The following FGD1 variants were observed in gnomAD, a reference collection of about 807,000 sequenced individuals.
The protein encoded by FGD1 is FYVE, RhoGEF and PH domain containing 1.
Under a neutral mutation model 65.0 loss-of-function variants are expected in FGD1, and 12 were observed. The ratio of observed to expected loss-of-function variants is 0.18; its 90% confidence interval spans 0.12 to 0.30. FGD1 has a LOEUF of 0.30. Ranked by LOEUF, FGD1 falls within the 10% of genes least tolerant of loss-of-function variation. FGD1 has a pLI of 1.00. For missense variants in FGD1, 542 were observed against 837.6 expected (o/e 0.65, Z 4.36); for synonymous variants, 333 against 343.9 (o/e 0.97, Z 0.35).
chrX:54,468,895 A>T lies in FGD1; in HGVS notation c.1102-19T>A. On this transcript the variant is annotated intron_variant, in intron 4 of 17. Coordinates refer to ENST00000375135, the MANE Select transcript of FGD1 (RefSeq NM_004463.3). ...CAGTCAACTGGAAAGGAGAAACAGT[A>T]ACCCCTGATCCATCATCCTCTATCG... 9.0e-7 allele frequency: 1 copy of T among 1,115,507 alleles called. No individual in the cohort carries two copies. Among genetic ancestry groups the T allele is most frequent in the Non-Finnish European group, 1.2e-6 (1 of 810,094 alleles). 91.9% of individuals were successfully genotyped at this position (1,115,507 alleles called of 1,213,427 possible). A position where few individuals can be genotyped will look rare whatever the true frequency, so the allele number is the denominator to read the frequency against.
Position 54,471,416 on chromosome X carries a change from G to C in FGD1, c.379C>G (p.Pro127Ala), listed in dbSNP as rs773870343. ...GAGCGAAGCCGCTGGGGACCTTCTG[G>C]ATGAGGCTCTAGGCTTTGGCCAGGG... ...LDPGQSLEPH[P>A]EGPQRLRSDP... is the part of the protein sequence containing the mutation. The change falls in exon 2 of 18, where the codon CCA becomes GCA. Residue 127 changes from proline (P) to alanine (A), a missense_variant. By Grantham distance (27) the Pro-to-Ala change is conservative. Around this residue, in one of 6 missense-constraint regions of FGD1, gnomAD observed 297 missense variants for 326.8 expected, o/e 0.91. Transcript: ENST00000375135. The C allele has an allele frequency of 1.7e-6, 2 of 1,211,398 alleles. No individual in the cohort carries two copies. Among genetic ancestry groups the C allele is most frequent in the Non-Finnish European group, 1.1e-6 (1 of 895,307 alleles).
chrX:54,461,853 T>A (rs940504545), intron 8 of FGD1, among the ~76,000 whole-genome samples: 1 of 109,168 alleles, frequency 9.2e-6, no homozygotes, highest in South Asian at 4.0e-4. Flanking sequence ...CTGAGGGATA[T>A]GAAATAGGAG....
At chrX:54,460,524 C>T (rs906246661) in intron 8 of FGD1, among the ~76,000 whole-genome samples, 20 of 111,302 alleles carry the variant, frequency 1.8e-4, no homozygotes, top group African/African-American at 6.5e-4. Context: ...GGGTGGATCA[C>T]GAGGTCAAGA....
chrX:54,465,667 A>G (rs919513065), intron 7 of FGD1, 29 bp downstream of exon 7: 4 of 1,210,991 alleles, frequency 3.3e-6, no homozygotes, highest in Non-Finnish European at 4.5e-6. Context: ...CTCCTCCCCA[A>G]GTCTGCTCCT....
At chrX:54,482,004 C>G (rs1334888845) in intron 1 of FGD1, among the ~76,000 whole-genome samples, 1 of 110,319 alleles carries the variant, frequency 9.1e-6, no homozygotes, top group Non-Finnish European at 1.9e-5. Flanking sequence ...GACACATCCA[C>G]AAGATCTAAG....
chrX:54,473,496 G>A (rs1395882842), intron 1 of FGD1, among the ~76,000 whole-genome samples: 1 of 112,067 alleles, frequency 8.9e-6, no homozygotes, highest in African/African-American at 3.2e-5. Flanking sequence ...GCATACAGGT[G>A]GCCCTCCACA....
In FGD1 at chrX:54,452,013, TC is replaced by T. The variant is rs773108237; in HGVS notation, c.2016-1713del. 4.1e-3 allele frequency among the ~76,000 whole-genome samples: 454 copies of T among 111,029 alleles called. 2 individuals carry two copies. The highest frequency in any genetic ancestry group is 0.013 in the African/African-American group (408 of 30,574). On this transcript the variant is annotated intron_variant, in intron 12 of 17. Coordinates refer to ENST00000375135, the MANE Select transcript of FGD1 (RefSeq NM_004463.3). ...ACGGAGTGGTGGCTCATACCTGTCA[TC>T]TCAGCACTTTGGGAGGCTGAAGCGG... is the stretch of plus-strand genomic sequence containing the variant.
chrX:54,488,475 C>T (rs1381035257), intron 1 of FGD1, among the ~76,000 whole-genome samples: 2 of 106,912 alleles, frequency 1.9e-5, no homozygotes, highest in South Asian at 4.2e-4. Flanking sequence ...GTCCCAGCTA[C>T]TTGGGAGACT....
At chrX:54,453,105 T>C (rs1287643859) in intron 12 of FGD1, among the ~76,000 whole-genome samples, 1 of 112,045 alleles carries the variant, frequency 8.9e-6, no homozygotes, top group African/African-American at 3.2e-5. Flanking sequence ...GGCTGCCCCT[T>C]CTGGGCCCAG....
At chrX:54,465,985 T>C (rs1922750297) in intron 6 of FGD1, 133 bp from the exon 7 acceptor site, 1 of 760,892 alleles carries the variant, frequency 1.3e-6, no homozygotes, top group South Asian at 2.3e-5. Context: ...AGTCTGCTCC[T>C]TCAGAAATGC....
chrX:54,456,000 G>A lies in FGD1; in HGVS notation c.1843-216C>T, dbSNP rs150746718. 1.2e-3 allele frequency among the ~76,000 whole-genome samples: 136 copies of A among 112,470 alleles called. No individual in the cohort carries two copies. The highest frequency in any genetic ancestry group is 4.2e-3 in the African/African-American group (129 of 30,990). On this transcript the variant is annotated intron_variant, in intron 10 of 17. Transcript: ENST00000375135. ...AGTCACTTCTCTGCAAGGCTTATTTGCCTCATCTGTAAAGTGGAGAAAAAA... is the reference window on the plus strand; with the variant it reads ...AGTCACTTCTCTGCAAGGCTTATTTACCTCATCTGTAAAGTGGAGAAAAAA...
chrX:54,464,127 CT>C (rs1195226924), intron 8 of FGD1, among the ~76,000 whole-genome samples: 746 of 50,538 alleles, frequency 0.015, 2 homozygotes, highest in African/African-American at 0.034. Context: ...ACGCCCAGCT[CT>C]TTTTTTTTTT....
At chrX:54,446,721 CTT>C (rs1226487472) in intron 17 of FGD1, among the ~76,000 whole-genome samples, 67 of 87,652 alleles carry the variant, frequency 7.6e-4, no homozygotes, top group African/African-American at 2.6e-3. Flanking sequence ...TATCTGCATA[CTT>C]TTTTTTTTTT....
chrX:54,447,639 G>C (rs1473328195), intron 16 of FGD1, among the ~76,000 whole-genome samples, 185 bp from the exon 17 acceptor site: 1 of 112,882 alleles, frequency 8.9e-6, no homozygotes, highest in Non-Finnish European at 1.9e-5. Flanking sequence ...TTCAAAGCTA[G>C]GTTCGTCTGC....
rs398124159 is a variant in FGD1, at chrX:54,465,523, G to A, written c.1564C>T (p.Arg522Cys). 8.3e-7 allele frequency: 1 copy of A among 1,209,635 alleles called. No individual in the cohort carries two copies. Among genetic ancestry groups the A allele is most frequent in the Non-Finnish European group, 1.1e-6 (1 of 894,465 alleles). Residue 522 changes from arginine to cysteine, a missense_variant, in exon 8 of 18, where the codon CGC becomes TGC. Around this residue, in one of 6 missense-constraint regions of FGD1, gnomAD observed 41 missense variants for 109.5 expected, o/e 0.37. Transcript: ENST00000375135. ...HMLEPVQRIP[R>C]YELLLKDYLL... ...TAGTCCTTGAGAAGAAGCTCATAGC[G>A]GGGGATGCGCTGCACAGGCTCCAGC...
intron 6 of FGD1, among the ~76,000 whole-genome samples, chrX:54,466,895 G>A (rs1380854320): frequency 5.5e-5 from 6 of 108,877 alleles, no homozygotes; most frequent in Admixed American, 5.0e-4. Context: ...GACTACAGGC[G>A]CCCGCCACCA....
At chrX:54,448,116 G>A (rs1922281889) in intron 16 of FGD1, among the ~76,000 whole-genome samples, 1 of 111,430 alleles carries the variant, frequency 9.0e-6, no homozygotes, top group Admixed American at 9.5e-5. Flanking sequence ...GAAGGGATAC[G>A]GTATTTTATT....
intron 1 of FGD1, among the ~76,000 whole-genome samples, chrX:54,480,273 G>A (rs1923114501): frequency 8.9e-6 from 1 of 112,431 alleles, no homozygotes; most frequent in Non-Finnish European, 1.9e-5. Flanking sequence ...GGAGGGACAT[G>A]CTGTAAAGTG....
intron 1 of FGD1, among the ~76,000 whole-genome samples, chrX:54,477,103 C>T (rs777633073): frequency 1.8e-5 from 2 of 112,847 alleles, no homozygotes; most frequent in Non-Finnish European, 3.7e-5. Flanking sequence ...CACAACTGCA[C>T]ACACACAACC....
Sources: gnomAD v4.1 joint callset for allele counts (sites outside exome capture counted in the v4.1 genomes callset) on GRCh38, gnomAD v4.1.1 for gene constraint, gnomAD v4.1.1 regional missense constraint, MANE v1.5 for transcripts, NCBI Gene and HGNC (gene_info 2026-07-23, HGNC 2026-07-21) for gene names.